SPON1: variants seen among roughly 807,000 people sequenced by gnomAD.
SPON1 encodes the protein spondin 1.
Under a neutral mutation model 111.7 loss-of-function variants are expected in SPON1, and 52 were observed. The observed-to-expected ratio is 0.47, with a 90% CI of 0.37 to 0.59. The LOEUF (loss-of-function observed/expected upper bound fraction) is 0.59. Among genes scored for constraint, SPON1 ranks in the 20% least tolerant of loss-of-function variants. SPON1 has a pLI of 0.00. For missense variants in SPON1, 957 were observed against 1,068.5 expected, an observed-to-expected ratio of 0.90 and a Z score of 1.46; for synonymous variants, 410 against 395.8, an observed-to-expected ratio of 1.04 and a Z score of -0.43.
intron 3 of SPON1, among the ~76,000 whole-genome samples, chr11:14,061,937 G>A (rs1848794273): frequency 6.6e-6 from 1 of 152,200 alleles, no homozygotes; most frequent in African/African-American, 2.4e-5. Flanking sequence ...CTTGCATGTG[G>A]TCTTAATCAC....
intron 2 of SPON1, among the ~76,000 whole-genome samples, chr11:14,024,402 G>A (rs1324573542): frequency 1.3e-5 from 2 of 152,198 alleles, no homozygotes; most frequent in African/African-American, 2.4e-5. Flanking sequence ...GTTGAGTGGT[G>A]GAGGTGGCGC....
intron 5 of SPON1, among the ~76,000 whole-genome samples, chr11:14,086,285 T>C (rs1391042989): frequency 6.6e-6 from 1 of 152,204 alleles, no homozygotes; most frequent in Non-Finnish European, 1.5e-5. Context: ...TATGGGTCTG[T>C]CATAAATAGC....
chr11:14,019,172 T>G (rs1848463704), intron 2 of SPON1, among the ~76,000 whole-genome samples: 1 of 151,990 alleles, frequency 6.6e-6, no homozygotes, highest in Non-Finnish European at 1.5e-5. Flanking sequence ...ATGTATGGAG[T>G]CTGAGACCAG....
chr11:14,076,275 A>G (rs1256566760), intron 4 of SPON1, among the ~76,000 whole-genome samples: 2 of 152,202 alleles, frequency 1.3e-5, no homozygotes, highest in Non-Finnish European at 2.9e-5. Flanking sequence ...TCTCATTTCT[A>G]TTTAATTTTG....
chr11:13,978,492 A>T (rs1043722858), intron 1 of SPON1, among the ~76,000 whole-genome samples: 1 of 152,216 alleles, frequency 6.6e-6, no homozygotes, highest in Non-Finnish European at 1.5e-5. Context: ...CATAAACACA[A>T]AATATAATCT....
Position 14,243,394 on chromosome 11 carries a change from C to T in SPON1, c.888C>T (p.Asn296=), listed in dbSNP as rs782800794. 20 of 1,570,624 alleles carry T rather than the reference C, an allele frequency of 1.3e-5. No homozygotes were observed. The highest frequency in any genetic ancestry group is 7.0e-5 in the East Asian group (3 of 42,724). Residue 296 remains asparagine (N), a splice_region_variant and synonymous_variant, in exon 7 of 16, where the codon AAC becomes AAT. Transcript: ENST00000576479. ...AATGGCCAGCCTGGCAGCCTCTCAA[C>T]GTGTAAGTAACACAAGTCCCTTGCC... ...KAQWPAWQPL[N]VRAAPSAEFS...
intron 6 of SPON1, among the ~76,000 whole-genome samples, chr11:14,238,893 A>C (rs1445426834): frequency 6.6e-6 from 1 of 152,228 alleles, no homozygotes; most frequent in Non-Finnish European, 1.5e-5. Context: ...TGAACGATGG[A>C]TGCCCTGAGA....
chr11:14,056,349 G>A (rs1317153342), intron 3 of SPON1, among the ~76,000 whole-genome samples: 2 of 152,172 alleles, frequency 1.3e-5, no homozygotes, highest in African/African-American at 4.8e-5. Context: ...TCATGTAGAT[G>A]TTTCCTAAGA....
At chr11:13,977,354 T>C (rs550498618) in intron 1 of SPON1, among the ~76,000 whole-genome samples, 5 of 152,230 alleles carry the variant, frequency 3.3e-5, no homozygotes, top group Admixed American at 1.3e-4. Context: ...TTGTTAATTC[T>C]TTTAAATTTA....
rs536204698 is a variant in SPON1, at chr11:14,110,031, C to T, written c.677-25389C>T. ...ATACATCAGACAGATTCCTTTCTGACTGAAACTGTTCTGCTGTGAAAGACT... is the reference window on the plus strand; with the variant it reads ...ATACATCAGACAGATTCCTTTCTGATTGAAACTGTTCTGCTGTGAAAGACT... On this transcript the variant is annotated intron_variant, in intron 5 of 15. Transcript: ENST00000576479. 5.3e-5 allele frequency among the ~76,000 whole-genome samples: 8 copies of T among 152,210 alleles called. No individual in the cohort carries two copies. The East Asian group carries it at 1.3e-3, about 26-fold the overall frequency.
chr11:14,050,390 A>G (rs1442976279), intron 3 of SPON1, among the ~76,000 whole-genome samples: 1 of 152,236 alleles, frequency 6.6e-6, no homozygotes, highest in African/African-American at 2.4e-5. Context: ...ATTGGAACAC[A>G]GTTACGTTAA....
intron 6 of SPON1, among the ~76,000 whole-genome samples, chr11:14,217,106 G>C (rs1425767455): frequency 6.6e-6 from 1 of 152,110 alleles, no homozygotes; most frequent in Non-Finnish European, 1.5e-5. Context: ...CTTATTCCTG[G>C]TTCAGAGAAA....
intron 15 of SPON1, among the ~76,000 whole-genome samples, 174 bp from the exon 16 acceptor site, chr11:14,265,350 T>G (rs1554942352): frequency 2.0e-5 from 3 of 152,218 alleles, no homozygotes; most frequent in Non-Finnish European, 4.4e-5. Flanking sequence ...TGTGGCCATT[T>G]TTTTGCAGTC....
At chr11:14,185,029 T>C (rs181844689) in intron 6 of SPON1, among the ~76,000 whole-genome samples, 1 of 152,306 alleles carries the variant, frequency 6.6e-6, no homozygotes, top group East Asian at 1.9e-4. Context: ...TACCCAGCTC[T>C]CCTGTGTAAG....
In SPON1 at chr11:14,093,900, G is replaced by A. The variant is rs538445861; in HGVS notation, c.676+13879G>A. 5.9e-5 allele frequency among the ~76,000 whole-genome samples: 9 copies of A among 152,158 alleles called. No individual in the cohort carries two copies. The South Asian group carries it at 1.9e-3, about 32-fold the overall frequency. ...TAATGTCAGGTCTTTTGCTAACATA[G>A]AAAGCACTGCAATAAAATACTTTGT... is the stretch of plus-strand genomic sequence containing the variant. On this transcript the variant is annotated intron_variant, in intron 5 of 15. Transcript: ENST00000576479.
chr11:14,021,521 C>G (rs2697857), intron 2 of SPON1, among the ~76,000 whole-genome samples: 1 of 152,106 alleles, frequency 6.6e-6, no homozygotes, highest in Non-Finnish European at 1.5e-5. Context: ...AAACAAGCCC[C>G]AAAGCACCAG....
rs1848839825 is a variant in SPON1, at chr11:14,067,222, G to C, written c.480-8123G>C. ...AAAAGACCTCCAACAGCTCCCCAGT[G>C]GTGCAACCTTGTGGCCTACATATGG... is the stretch of plus-strand genomic sequence containing the variant. On this transcript the variant is annotated intron_variant, in intron 3 of 15. Coordinates refer to ENST00000576479, the MANE Select transcript of SPON1 (RefSeq NM_006108.4). Among the ~76,000 whole-genome samples the C allele has an allele frequency of 2.0e-5, 3 of 152,138 alleles. No individual in the cohort carries two copies. In the South Asian group the frequency reaches 6.2e-4, roughly 32 times the overall value.
At position 14,260,642 on chromosome 11, in the gene SPON1, C is replaced by T. The variant is rs782218797; in HGVS notation, c.1886C>T (p.Thr629Ile). 5 of 1,613,976 alleles carry T rather than the reference C, an allele frequency of 3.1e-6. No homozygotes were observed. The South Asian group carries it at 4.4e-5, about 14-fold the overall frequency. ...TCCGAGTGGAGTGACTGCAGCGTGA[C>T]CTGCGGGAAGGGCATGCGAACCCGA... ...PWSEWSDCSV[T>I]CGKGMRTRQR... The change falls in exon 14 of 16, where the codon ACC (threonine) becomes ATC (isoleucine). Residue 629 changes from threonine to isoleucine, a missense_variant. Physicochemically the swap from Thr to Ile is moderately conservative, Grantham distance 89. Around this residue, in one of 5 missense-constraint regions of SPON1, gnomAD observed 549 missense variants for 606.2 expected, o/e 0.91. Coordinates refer to ENST00000576479, the MANE Select transcript of SPON1 (RefSeq NM_006108.4).
At chr11:13,990,373 C>CTTTT (rs1159719282) in intron 2 of SPON1, among the ~76,000 whole-genome samples, 7 of 21,702 alleles carry the variant, frequency 3.2e-4, no homozygotes, top group African/African-American at 5.1e-4. Context: ...GCAACTCCTG[C>CTTTT]TTTTTTTTTT....
Sources: gnomAD v4.1 joint callset for allele counts (sites outside exome capture counted in the v4.1 genomes callset) on GRCh38, gnomAD v4.1.1 for gene constraint, gnomAD v4.1.1 regional missense constraint, MANE v1.5 for transcripts, NCBI Gene and HGNC (gene_info 2026-07-23, HGNC 2026-07-21) for gene names.